Variants in GPM6A observed in about 807,000 individuals in gnomAD.
The protein encoded by GPM6A is neuronal membrane glycoprotein M6-a.
Under a neutral mutation model 32.1 loss-of-function variants are expected in GPM6A, and 7 were observed. The observed-to-expected ratio is 0.22, with a 90% CI of 0.12 to 0.41. The LOEUF is 0.41. Ranked by LOEUF, GPM6A falls within the 10% of genes least tolerant of loss-of-function variation. The probability of loss-of-function intolerance (pLI) is 1.00; values close to 1 mark genes in which losing one functional copy is unlikely to be tolerated. For missense variants in GPM6A, 235 were observed against 347.2 expected (o/e 0.68, Z 2.57); for synonymous variants, 130 against 123.4 (o/e 1.05, Z -0.35).
intron 1 of GPM6A, among the ~76,000 whole-genome samples, chr4:175,854,534 C>T (rs1243693388): frequency 2.0e-5 from 3 of 152,038 alleles, no homozygotes; most frequent in Non-Finnish European, 4.4e-5. Flanking sequence ...GTTTCCAAGA[C>T]AAAGGGCAGT....
intron 1 of GPM6A, among the ~76,000 whole-genome samples, chr4:175,774,430 C>T (rs1040859771): frequency 1.6e-4 from 24 of 152,094 alleles, no homozygotes; most frequent in African/African-American, 5.8e-4. Context: ...CCTCTCCCCT[C>T]TAATCTTTAA....
chr4:175,922,014 A>T (rs1738684027), intron 1 of GPM6A, among the ~76,000 whole-genome samples: 1 of 152,192 alleles, frequency 6.6e-6, no homozygotes, highest in African/African-American at 2.4e-5. Flanking sequence ...TGGTAACTGA[A>T]CACAAGCCTT....
chr4:175,905,848 T>C (rs1296169575), intron 1 of GPM6A, among the ~76,000 whole-genome samples: 2 of 152,120 alleles, frequency 1.3e-5, no homozygotes, highest in Admixed American at 1.3e-4. Flanking sequence ...CTTTTGTCCT[T>C]TCGTCATTAA....
At chr4:176,001,570 C>A (rs373652109) in intron 1 of GPM6A, among the ~76,000 whole-genome samples, 9 of 152,164 alleles carry the variant, frequency 5.9e-5, no homozygotes, top group Admixed American at 4.6e-4. Flanking sequence ...CCGCTAAGCA[C>A]CGAATAAGCG....
At chr4:175,705,297 T>C (rs182830486) in intron 1 of GPM6A, among the ~76,000 whole-genome samples, 3 of 152,320 alleles carry the variant, frequency 2.0e-5, no homozygotes, top group Non-Finnish European at 2.9e-5. Context: ...CATATTACCT[T>C]TATGGCAAAT....
chr4:175,926,932 A>G (rs760508227), intron 1 of GPM6A, among the ~76,000 whole-genome samples: 10 of 152,226 alleles, frequency 6.6e-5, no homozygotes, highest in Non-Finnish European at 1.3e-4. Flanking sequence ...CTTTCAATTA[A>G]AAGTGTACTT....
intron 4 of GPM6A, among the ~76,000 whole-genome samples, chr4:175,648,264 G>C (rs1741587369): frequency 6.6e-6 from 1 of 152,140 alleles, no homozygotes; most frequent in Admixed American, 6.5e-5. Context: ...GTGTATCTTT[G>C]GTGGCCAGAG....
chr4:175,644,717 A>AAT (rs1443940156), intron 4 of GPM6A, among the ~76,000 whole-genome samples: 1 of 152,084 alleles, frequency 6.6e-6, no homozygotes, highest in East Asian at 1.9e-4. Context: ...CTAAATATTG[A>AAT]ATATATATAT....
At chr4:175,783,877 A>T (rs1733701473) in intron 1 of GPM6A, among the ~76,000 whole-genome samples, 2 of 152,098 alleles carry the variant, frequency 1.3e-5, no homozygotes, top group African/African-American at 4.8e-5. Context: ...TATCTCTCTG[A>T]AATATCTACC....
intron 1 of GPM6A, among the ~76,000 whole-genome samples, chr4:175,788,929 G>C (rs185386420): frequency 2.0e-5 from 3 of 152,228 alleles, no homozygotes; most frequent in Non-Finnish European, 4.4e-5. Context: ...GAAAGAAAAT[G>C]AGGAATATGA....
intron 1 of GPM6A, among the ~76,000 whole-genome samples, chr4:175,799,685 T>TTTTTTTTTTTTTG (rs1312154171): frequency 1.5e-5 from 2 of 136,578 alleles, no homozygotes; most frequent in Admixed American, 7.4e-5. Context: ...TTTTTTTTTT[T>TTTTTTTTTTTTTG]GAGACGGAGT....
chr4:175,899,036 T>C (rs542466831), intron 1 of GPM6A, among the ~76,000 whole-genome samples: 23 of 152,312 alleles, frequency 1.5e-4, no homozygotes, highest in Non-Finnish European at 2.9e-4. Flanking sequence ...ACATACTGTA[T>C]TGCTTCTTTT....
rs571816119 is a variant in GPM6A, at chr4:175,860,306, T to G, written c.-22-48057A>C. Among the ~76,000 whole-genome samples the G allele has an allele frequency of 2.0e-5, 3 of 152,098 alleles. No homozygotes were observed. In the South Asian group the frequency reaches 6.2e-4, roughly 32 times the overall value. On this transcript the variant is annotated intron_variant, in intron 1 of 7. Coordinates refer to the GPM6A transcript ENST00000280187. ...ATAAAATTAACAAACTTTAGCCATC[T>G]GATTAAGAACAAAAGAAGGAAAATA...
chr4:175,692,486 C>G (rs1189303606), intron 2 of GPM6A, among the ~76,000 whole-genome samples: 3 of 151,936 alleles, frequency 2.0e-5, no homozygotes, highest in African/African-American at 4.8e-5. Context: ...AGCTATTAAG[C>G]TTTTGTAGTT....
chr4:175,980,321 C>A (rs1740783309), intron 1 of GPM6A, among the ~76,000 whole-genome samples: 1 of 152,166 alleles, frequency 6.6e-6, no homozygotes, highest in African/African-American at 2.4e-5. Flanking sequence ...CGTGCCACTG[C>A]ACTCCACCCT....
At chr4:175,669,754 CT>C (rs1742950006) in intron 3 of GPM6A, among the ~76,000 whole-genome samples, 1 of 152,112 alleles carries the variant, frequency 6.6e-6, no homozygotes, top group Non-Finnish European at 1.5e-5. Context: ...AGAGATTGAC[CT>C]TATTGCTCTT....
At chr4:175,795,642 G>T (rs940726442) in intron 1 of GPM6A, among the ~76,000 whole-genome samples, 10 of 152,060 alleles carry the variant, frequency 6.6e-5, no homozygotes, top group Non-Finnish European at 1.3e-4. Flanking sequence ...GTCCCAGCTG[G>T]GAGGAGGCAG....
chr4:175,799,707 G>A (rs1228022396), intron 1 of GPM6A, among the ~76,000 whole-genome samples: 1 of 111,474 alleles, frequency 9.0e-6, no homozygotes, highest in Non-Finnish European at 1.9e-5. Flanking sequence ...TCGCTCTGTC[G>A]CCCAGGCCGG....
chr4:175,889,119 A>G (rs1184718597), intron 1 of GPM6A, among the ~76,000 whole-genome samples: 2 of 152,340 alleles, frequency 1.3e-5, no homozygotes, highest in Non-Finnish European at 2.9e-5. Flanking sequence ...TTATGCACAC[A>G]TACACAAACA....
Sources: allele counts gnomAD v4.1 joint callset (sites outside exome capture counted in the v4.1 genomes callset), GRCh38; gene constraint gnomAD v4.1.1; transcripts MANE v1.5; gene names NCBI Gene and HGNC (gene_info 2026-07-23, HGNC 2026-07-21).